CSMD1: variants seen among roughly 807,000 people sequenced by gnomAD.
The protein encoded by CSMD1 is CUB and Sushi multiple domains 1, also known as CUB and sushi domain-containing protein 1.
CSMD1 carries 213 observed loss-of-function variants against 417.5 expected under a neutral mutation model. The ratio of observed to expected loss-of-function variants is 0.51; its 90% CI spans 0.46 to 0.57. CSMD1 has a LOEUF of 0.57. Among genes scored for constraint, CSMD1 ranks in the 20% least tolerant of loss-of-function variants. The pLI is 0.00. For synonymous variants in CSMD1, 2,862 were observed against 1,736.8 expected, an observed-to-expected ratio of 1.65 and a Z score of -16.11; for missense variants, 6,923 against 4,529.7, an observed-to-expected ratio of 1.53 and a Z score of -15.17.
intron 2 of CSMD1, among the ~76,000 whole-genome samples, chr8:4,570,097 G>A (rs1217443097): frequency 6.6e-6 from 1 of 152,148 alleles, no homozygotes; most frequent in Non-Finnish European, 1.5e-5. Flanking sequence ...GAGACAACTT[G>A]ACTTCCTCTC....
intron 49 of CSMD1, among the ~76,000 whole-genome samples, chr8:3,061,814 G>C (rs1056956869): frequency 1.3e-5 from 2 of 151,980 alleles, no homozygotes; most frequent in East Asian, 3.9e-4. Flanking sequence ...TTTAATCTTG[G>C]TAACACCCTA....
rs575117663 is a variant in CSMD1, at chr8:3,691,253, A to C, written c.1009+17161T>G. ...CACGGTAACAGGCACCTGTAATCCC[A>C]GCTACTCAGGAGGCTGAAGCAGGAG... On this transcript the variant is annotated intron_variant, in intron 7 of 69. Coordinates refer to ENST00000635120, the MANE Select transcript of CSMD1 (RefSeq NM_033225.6). Among the ~76,000 whole-genome samples the C allele has an allele frequency of 5.5e-3, 840 of 152,204 alleles. 10 individuals carry two copies. Among genetic ancestry groups the C allele is most frequent in the African/African-American group, 0.019 (803 of 41,520 alleles).
intron 5 of CSMD1, among the ~76,000 whole-genome samples, chr8:3,804,216 G>A (rs904419825): frequency 3.3e-5 from 5 of 152,064 alleles, no homozygotes; most frequent in Non-Finnish European, 7.4e-5. Context: ...ACAAGTGTGA[G>A]CCACTACACC....
chr8:4,045,678 G>C (rs1011902591), intron 3 of CSMD1, among the ~76,000 whole-genome samples: 1 of 152,200 alleles, frequency 6.6e-6, no homozygotes, highest in Middle Eastern at 3.2e-3. Flanking sequence ...ATTTTAAGTA[G>C]AGAACCTAAG....
At chr8:4,243,269 G>C (rs1279271786) in intron 3 of CSMD1, among the ~76,000 whole-genome samples, 1 of 152,134 alleles carries the variant, frequency 6.6e-6, no homozygotes, top group Admixed American at 6.5e-5. Flanking sequence ...TTCTTACCTA[G>C]TCTCATGAAC....
chr8:4,201,171 A>G (rs1799622404), intron 3 of CSMD1, among the ~76,000 whole-genome samples: 2 of 152,222 alleles, frequency 1.3e-5, no homozygotes, highest in African/African-American at 2.4e-5. Flanking sequence ...GTAAGGATTA[A>G]GTACTGTTGT....
intron 2 of CSMD1, among the ~76,000 whole-genome samples, chr8:4,459,762 C>A (rs556220173): frequency 1.3e-5 from 2 of 152,150 alleles, no homozygotes; most frequent in African/African-American, 2.4e-5. Context: ...AGCCTCTAGC[C>A]TCCAGAACTA....
chr8:4,814,112 C>A (rs547136324), intron 1 of CSMD1, among the ~76,000 whole-genome samples: 1 of 152,194 alleles, frequency 6.6e-6, no homozygotes, highest in East Asian at 1.9e-4. Flanking sequence ...CCATATATTA[C>A]GGCCTCAGCC....
At chr8:3,260,492 G>T (rs902630400) in intron 26 of CSMD1, among the ~76,000 whole-genome samples, 1 of 151,982 alleles carries the variant, frequency 6.6e-6, no homozygotes, top group African/African-American at 2.4e-5. Context: ...ATACAAGAAC[G>T]TTCCACCTAA....
At chr8:4,084,356 C>T (rs1800308112) in intron 3 of CSMD1, among the ~76,000 whole-genome samples, 1 of 151,544 alleles carries the variant, frequency 6.6e-6, no homozygotes, top group South Asian at 2.1e-4. Flanking sequence ...AAACTACAAC[C>T]ATAAATGCAA....
At chr8:4,254,469 G>C (rs934535057) in intron 3 of CSMD1, among the ~76,000 whole-genome samples, 1 of 152,152 alleles carries the variant, frequency 6.6e-6, no homozygotes, top group Non-Finnish European at 1.5e-5. Flanking sequence ...CATTGCAGCT[G>C]TCATAATGTT....
chr8:4,735,895 C>G (rs1397697540), intron 1 of CSMD1, among the ~76,000 whole-genome samples: 1 of 152,154 alleles, frequency 6.6e-6, no homozygotes, highest in Non-Finnish European at 1.5e-5. Flanking sequence ...TACTGCTTTA[C>G]TAGAGATTTA....
intron 10 of CSMD1, among the ~76,000 whole-genome samples, chr8:3,536,520 G>A (rs182930523): frequency 5.3e-5 from 8 of 152,162 alleles, no homozygotes; most frequent in African/African-American, 9.7e-5. Context: ...GGGTATCTTC[G>A]AGGATTGGCC....
At chr8:4,677,083 G>A (rs955963464) in intron 1 of CSMD1, among the ~76,000 whole-genome samples, 8 of 141,204 alleles carry the variant, frequency 5.7e-5, no homozygotes, top group African/African-American at 1.0e-4. Flanking sequence ...ATATATATAG[G>A]GATATATATT....
In CSMD1 at chr8:4,364,815, A is replaced by G. The variant is rs1584961286; in HGVS notation, c.415+55138T>C. Among the ~76,000 whole-genome samples, 2 of 120,982 alleles carry G rather than the reference A, an allele frequency of 1.7e-5. 1 individual carries two copies. The highest frequency in any genetic ancestry group is 5.0e-4 in the East Asian group (2 of 3,976). The allele number at this position is 120,982 out of a possible 152,430, so 79.4% of individuals were successfully genotyped here. A position where few individuals can be genotyped will look rare whatever the true frequency, so the allele number is the denominator to read the frequency against. On this transcript the variant is annotated intron_variant, in intron 3 of 69. Transcript: ENST00000635120. Reference sequence around the variant, plus strand: ...ACTCCAGCCTGCGCGACAGAGCGAGACTCCTTCTCAAAAAAAAAAAAAAAA... The same window carrying G: ...ACTCCAGCCTGCGCGACAGAGCGAGGCTCCTTCTCAAAAAAAAAAAAAAAA...
chr8:3,477,131 T>C (rs184242664), intron 11 of CSMD1, among the ~76,000 whole-genome samples: 1 of 152,324 alleles, frequency 6.6e-6, no homozygotes, highest in East Asian at 1.9e-4. Context: ...AAATAATTTG[T>C]TCAGACCTGA....
At chr8:4,145,100 G>A (rs529185674) in intron 3 of CSMD1, among the ~76,000 whole-genome samples, 2 of 150,974 alleles carry the variant, frequency 1.3e-5, no homozygotes, top group Non-Finnish European at 2.9e-5. Context: ...ATGTAACTTG[G>A]TTAAGAATAT....
At chr8:4,545,730 C>A (rs1029317061) in intron 2 of CSMD1, among the ~76,000 whole-genome samples, 13 of 152,110 alleles carry the variant, frequency 8.5e-5, no homozygotes, top group African/African-American at 3.1e-4. Context: ...GCAAATTCCT[C>A]ACTTTCACAG....
At chr8:3,662,089 G>A (rs895798233) in intron 7 of CSMD1, among the ~76,000 whole-genome samples, 1 of 152,106 alleles carries the variant, frequency 6.6e-6, no homozygotes, top group Non-Finnish European at 1.5e-5. Flanking sequence ...CAGAGAAGGA[G>A]CATGCTTAAA....
Sources: gnomAD v4.1 joint callset for allele counts (sites outside exome capture counted in the v4.1 genomes callset) on GRCh38, gnomAD v4.1.1 for gene constraint, MANE v1.5 for transcripts, NCBI Gene and HGNC (gene_info 2026-07-23, HGNC 2026-07-21) for gene names.